The following CNIH3 variants were observed in gnomAD, a reference collection of about 807,000 sequenced individuals.
The protein encoded by CNIH3 is protein cornichon homolog 3.
In CNIH3, 14 loss-of-function variants were observed where a neutral mutation model predicts 24.1. The ratio of observed to expected loss-of-function variants is 0.58; its 90% CI spans 0.38 to 0.91. CNIH3 has a LOEUF of 0.91. CNIH3 is among the 40% of genes least tolerant of loss of function. The pLI, the probability that CNIH3 is intolerant of heterozygous loss-of-function variation, is 0.00. For missense variants in CNIH3, 178 were observed against 196.8 expected (o/e 0.90, Z 0.57); for synonymous variants, 68 against 73.8 (o/e 0.92, Z 0.40).
Position 224,434,688 on chromosome 1 carries a change from T to TGCGGCGGCG in CNIH3, n.40_48dup, listed in dbSNP as rs779741438. On this transcript the variant is annotated non_coding_transcript_exon_variant, in exon 1 of 6. Coordinates refer to the CNIH3 transcript ENST00000471578. ...CGCTGGGCTGAGCCCCGGCAGTGGC[T>TGCGGCGGCG]GCGGCGGCGGCGGCGGCGGGCGGCA... 4.2e-4 allele frequency: 376 copies of TGCGGCGGCG among 895,804 alleles called. 1 individual carries two copies. The highest frequency in any genetic ancestry group is 1.4e-3 in the South Asian group (28 of 20,252). The allele number at this position is 895,804 out of a possible 1,614,324, so 55.5% of individuals were successfully genotyped here. A position where few individuals can be genotyped will look rare whatever the true frequency, so the allele number is the denominator to read the frequency against.
At chr1:224,727,045 C>G (rs192708942) in intron 3 of CNIH3, among the ~76,000 whole-genome samples, 17 of 152,272 alleles carry the variant, frequency 1.1e-4, no homozygotes, top group Admixed American at 7.8e-4. Flanking sequence ...GTCTGACTGC[C>G]CACACAAATG....
At chr1:224,676,738 C>T (rs1163280136) in intron 1 of CNIH3, among the ~76,000 whole-genome samples, 1 of 152,180 alleles carries the variant, frequency 6.6e-6, no homozygotes, top group Admixed American at 6.5e-5. Flanking sequence ...CAGTCCATTG[C>T]TGATGCTAAG....
upstream of CNIH3, among the ~76,000 whole-genome samples, chr1:224,613,589 G>T (rs1409566528): frequency 2.6e-5 from 4 of 152,296 alleles, no homozygotes; most frequent in Middle Eastern, 0.01. Context: ...CCTGGTGGGA[G>T]GTGTCTGGGT....
downstream of CNIH3, among the ~76,000 whole-genome samples, chr1:224,588,983 T>TTTTTTTTTTG (rs1681634452): frequency 6.6e-6 from 1 of 150,538 alleles, no homozygotes; most frequent in Admixed American, 6.6e-5. Flanking sequence ...TTTTTTTTTT[T>TTTTTTTTTTG]GGAGCCATTT....
At chr1:224,708,568 C>G (rs934333034) in intron 3 of CNIH3, among the ~76,000 whole-genome samples, 3 of 152,204 alleles carry the variant, frequency 2.0e-5, no homozygotes, top group African/African-American at 7.2e-5. Flanking sequence ...GCCTCTCCTT[C>G]TATTGAAACT....
At chr1:224,492,632 T>G (rs1298564440) in intron 1 of CNIH3, among the ~76,000 whole-genome samples, 1 of 152,224 alleles carries the variant, frequency 6.6e-6, no homozygotes, top group Non-Finnish European at 1.5e-5. Context: ...GTTTAACATA[T>G]ATACAAAGAA....
intron 1 of CNIH3, among the ~76,000 whole-genome samples, chr1:224,457,510 G>T (rs1381244353): frequency 1.5e-5 from 2 of 135,174 alleles, no homozygotes; most frequent in South Asian, 2.2e-4. Context: ...GTGGTCTGGG[G>T]ATTTTTTTTT....
intron 2 of CNIH3, among the ~76,000 whole-genome samples, chr1:224,523,238 CAAA>C (rs879799320): frequency 7.5e-6 from 1 of 133,550 alleles, no homozygotes. Flanking sequence ...GACCCTGTCT[CAAA>C]AAAAAAAAAA....
chr1:224,510,605 A>AAAC (rs1558118939), intron 1 of CNIH3, among the ~76,000 whole-genome samples: 2 of 101,188 alleles, frequency 2.0e-5, no homozygotes, highest in African/African-American at 8.3e-5. Context: ...TCAAAAAAAA[A>AAAC]AAACAAAAAA....
intron 1 of CNIH3, among the ~76,000 whole-genome samples, chr1:224,676,077 T>C (rs886287497): frequency 6.6e-6 from 1 of 152,204 alleles, no homozygotes; most frequent in Non-Finnish European, 1.5e-5. Flanking sequence ...ATTGTCAAAA[T>C]CTGGAAACAA....
At chr1:224,465,944 C>A (rs1029113348) in intron 1 of CNIH3, among the ~76,000 whole-genome samples, 31 of 152,198 alleles carry the variant, frequency 2.0e-4, no homozygotes, top group African/African-American at 7.5e-4. Context: ...AGGAGAATCG[C>A]TTGAGCCTGG....
intron 3 of CNIH3, among the ~76,000 whole-genome samples, chr1:224,606,065 G>A (rs1682405177): frequency 6.6e-6 from 1 of 152,208 alleles, no homozygotes; most frequent in African/African-American, 2.4e-5. Flanking sequence ...TGCTGGGGCC[G>A]GGATGAGTGC....
At chr1:224,474,273 A>T (rs1403128729) in intron 1 of CNIH3, among the ~76,000 whole-genome samples, 2 of 152,018 alleles carry the variant, frequency 1.3e-5, no homozygotes, top group Non-Finnish European at 2.9e-5. Context: ...CTGAGGCAGA[A>T]GAATCACTTG....
chr1:224,590,155 G>T (rs755956288), downstream of CNIH3, among the ~76,000 whole-genome samples: 4 of 152,142 alleles, frequency 2.6e-5, no homozygotes, highest in Non-Finnish European at 5.9e-5. Context: ...GATTACAGAC[G>T]CGAGCCATCA....
intron 4 of CNIH3, among the ~76,000 whole-genome samples, chr1:224,573,123 G>A (rs994611816): frequency 4.6e-5 from 7 of 152,022 alleles, no homozygotes; most frequent in Non-Finnish European, 8.8e-5. Flanking sequence ...TCCCAGCATC[G>A]TTTTGTATTT....
chr1:224,468,363 T>A (rs1455052870), intron 1 of CNIH3, among the ~76,000 whole-genome samples: 1 of 152,218 alleles, frequency 6.6e-6, no homozygotes, highest in Non-Finnish European at 1.5e-5. Flanking sequence ...ATCAACATTT[T>A]GTAATTTTCA....
At chr1:224,683,094 C>T (rs1462533091) in intron 2 of CNIH3, among the ~76,000 whole-genome samples, 2 of 152,210 alleles carry the variant, frequency 1.3e-5, no homozygotes, top group Non-Finnish European at 2.9e-5. Context: ...AGAATTTGCA[C>T]ATAGTAGGTG....
intron 2 of CNIH3, among the ~76,000 whole-genome samples, chr1:224,528,718 G>A (rs1190438136): frequency 6.6e-6 from 1 of 152,088 alleles, no homozygotes; most frequent in African/African-American, 2.4e-5. Context: ...ATGATTATGT[G>A]TTGTTTTTCT....
intron 2 of CNIH3, among the ~76,000 whole-genome samples, chr1:224,530,078 G>A (rs1489466504): frequency 1.3e-5 from 2 of 152,148 alleles, no homozygotes; most frequent in Non-Finnish European, 2.9e-5. Context: ...TGCCTTCTGG[G>A]GCAGGAGAGG....
Sources: gnomAD v4.1 joint callset for allele counts (sites outside exome capture counted in the v4.1 genomes callset) on GRCh38, gnomAD v4.1.1 for gene constraint, MANE v1.5 for transcripts, NCBI Gene and HGNC (gene_info 2026-07-23, HGNC 2026-07-21) for gene names.